Variants in TEC observed in about 807,000 individuals in gnomAD.
TEC encodes the protein tec protein tyrosine kinase.
TEC carries 72 observed loss-of-function variants against 93.0 expected under a neutral mutation model. The observed-to-expected ratio is 0.77, with a 90% CI of 0.64 to 0.94. The LOEUF (loss-of-function observed/expected upper bound fraction) is 0.94, where lower values mean the gene tolerates loss of function less well. Among genes scored for constraint, TEC ranks in the 40% least tolerant of loss-of-function variants. The pLI is 0.00. For synonymous variants in TEC, 249 were observed against 247.7 expected (o/e 1.01, Z -0.05); for missense variants, 630 against 757.9 (o/e 0.83, Z 1.98).
chr4:48,258,681 T>C (rs569579665), intron 1 of TEC, among the ~76,000 whole-genome samples: 5 of 152,298 alleles, frequency 3.3e-5, no homozygotes, highest in South Asian at 2.1e-4. Flanking sequence ...TTTTCAAAAA[T>C]ATTTTTCCCA....
rs1474235504 is a variant in TEC, at chr4:48,160,811, GAA to G, written c.737+2889_737+2890del. 1.5e-4 allele frequency among the ~76,000 whole-genome samples: 19 copies of G among 127,322 alleles called. No homozygotes were observed. In the South Asian group the frequency reaches 4.4e-3, roughly 29 times the overall value. 83.5% of individuals were successfully genotyped at this position (127,322 alleles called of 152,430 possible). ...AGAAAAGAAGAAAGAAAGAGAAAGA[GAA>G]AGAGAGAGAGACAGAGGGAGGGAGG... On this transcript the variant is annotated intron_variant, in intron 8 of 17. Coordinates refer to ENST00000381501, the MANE Select transcript of TEC (RefSeq NM_003215.3).
intron 2 of TEC, among the ~76,000 whole-genome samples, chr4:48,195,192 G>A (rs1207627172): frequency 6.6e-6 from 1 of 152,188 alleles, no homozygotes. Context: ...GGGAGGAAGT[G>A]TGACTAGGGT....
chr4:48,202,034 G>T (rs1386136228), intron 2 of TEC, among the ~76,000 whole-genome samples: 1 of 143,670 alleles, frequency 7.0e-6, no homozygotes, highest in Non-Finnish European at 1.5e-5. Context: ...TCGGCTCACT[G>T]CAAGCTCTGC....
intron 2 of TEC, among the ~76,000 whole-genome samples, chr4:48,181,153 T>G (rs917060806): frequency 6.6e-6 from 1 of 152,066 alleles, no homozygotes; most frequent in South Asian, 2.1e-4. Flanking sequence ...CTGGGAAATG[T>G]TTGAGTGACA....
intron 12 of TEC, 95 bp downstream of exon 12, chr4:48,146,230 T>A (rs1719900042): frequency 1.8e-6 from 2 of 1,127,482 alleles, no homozygotes; most frequent in Admixed American, 4.1e-5. Context: ...AAAAAACAGT[T>A]CCAGTATGTG....
chr4:48,151,020 ATAT>A, intron 9 of TEC, 78 bp from the exon 10 acceptor site: 1 of 923,016 alleles, frequency 1.1e-6, no homozygotes. Context: ...AAAGAACCTA[ATAT>A]TATAATTTTA....
At chr4:48,181,696 AAAAAG>A (rs1479897530) in intron 2 of TEC, among the ~76,000 whole-genome samples, 4 of 109,932 alleles carry the variant, frequency 3.6e-5, no homozygotes, top group African/African-American at 6.4e-5. Context: ...AAGAAAAAAG[AAAAAG>A]AAAAGAATTG....
chr4:48,146,231 C>A, intron 12 of TEC, 94 bp downstream of exon 12: 2 of 1,131,608 alleles, frequency 1.8e-6, no homozygotes, highest in South Asian at 1.4e-5. Context: ...AAAAACAGTT[C>A]CAGTATGTGA....
chr4:48,194,710 G>C (rs910483000), intron 2 of TEC, among the ~76,000 whole-genome samples: 1 of 152,166 alleles, frequency 6.6e-6, no homozygotes. Context: ...ACAAGAAAGA[G>C]AAAATGTATT....
chr4:48,192,031 G>A (rs1560401117), intron 2 of TEC, among the ~76,000 whole-genome samples: 1 of 152,202 alleles, frequency 6.6e-6, no homozygotes, highest in Non-Finnish European at 1.5e-5. Context: ...AGGCATGGAA[G>A]CATATGTCCA....
At chr4:48,139,886 C>T (rs890837809) in intron 15 of TEC, among the ~76,000 whole-genome samples, 2 of 152,224 alleles carry the variant, frequency 1.3e-5, no homozygotes, top group African/African-American at 4.8e-5. Flanking sequence ...CGGCACAAAG[C>T]CAGCTGCTGG....
chr4:48,242,265 T>C (rs890150345), intron 1 of TEC, among the ~76,000 whole-genome samples: 1 of 152,248 alleles, frequency 6.6e-6, no homozygotes, highest in African/African-American at 2.4e-5. Flanking sequence ...AAAGCATATT[T>C]CCAAGTCTTC....
At chr4:48,143,611 ATAAGG>A (rs1440013677) in intron 14 of TEC, among the ~76,000 whole-genome samples, 2 of 152,214 alleles carry the variant, frequency 1.3e-5, no homozygotes, top group Admixed American at 6.5e-5. Context: ...TGAATATAAG[ATAAGG>A]TAAGTATCCC....
At chr4:48,219,586 A>C (rs1723188192) in intron 2 of TEC, among the ~76,000 whole-genome samples, 1 of 152,190 alleles carries the variant, frequency 6.6e-6, no homozygotes, top group African/African-American at 2.4e-5. Flanking sequence ...AGTGCAGAGA[A>C]GAAAATGCTG....
chr4:48,174,667 A>C (rs1204932875), intron 3 of TEC, among the ~76,000 whole-genome samples: 1 of 151,242 alleles, frequency 6.6e-6, no homozygotes, highest in African/African-American at 2.4e-5. Flanking sequence ...TCAAAGGAAA[A>C]AAAAAAAAAG....
intron 3 of TEC, 115 bp downstream of exon 3, chr4:48,175,967 A>C: frequency 1.4e-6 from 1 of 731,590 alleles, no homozygotes; most frequent in East Asian, 2.6e-5. Flanking sequence ...ACAACTATTA[A>C]AGTGGCAAAT....
intron 2 of TEC, among the ~76,000 whole-genome samples, chr4:48,193,253 G>A (rs1337213252): frequency 6.6e-6 from 1 of 151,614 alleles, no homozygotes; most frequent in Non-Finnish European, 1.5e-5. Flanking sequence ...GCCTCCTGAA[G>A]AGCATAACCA....
intron 2 of TEC, among the ~76,000 whole-genome samples, chr4:48,177,808 A>G (rs1721391034): frequency 6.6e-6 from 1 of 151,974 alleles, no homozygotes; most frequent in African/African-American, 2.4e-5. Flanking sequence ...TGTGACAGTG[A>G]GTGAGTTCTC....
intron 2 of TEC, among the ~76,000 whole-genome samples, chr4:48,194,268 C>G (rs1722205838): frequency 6.6e-6 from 1 of 152,224 alleles, no homozygotes; most frequent in Non-Finnish European, 1.5e-5. Flanking sequence ...AGCCCCACTC[C>G]CTGCTTATCT....
Sources: allele counts gnomAD v4.1 joint callset (sites outside exome capture counted in the v4.1 genomes callset), GRCh38; gene constraint gnomAD v4.1.1; transcripts MANE v1.5; gene names NCBI Gene and HGNC (gene_info 2026-07-23, HGNC 2026-07-21).